INTS2: variants seen among roughly 807,000 people sequenced by gnomAD.
The protein encoded by INTS2 is integrator complex subunit 2, also known as KIAA1287.
A neutral mutation model predicts 139.6 loss-of-function variants in INTS2; 57 were observed. That is an observed-to-expected ratio of 0.41 (90% confidence interval 0.33 to 0.51). INTS2 has a LOEUF of 0.51. Among genes scored for constraint, INTS2 ranks in the 20% least tolerant of loss-of-function variants. The pLI is 0.28. For missense variants in INTS2, 1,196 were observed against 1,436.7 expected (o/e 0.83, Z 2.71); for synonymous variants, 473 against 493.4 (o/e 0.96, Z 0.55).
intron 9 of INTS2, among the ~76,000 whole-genome samples, chr17:61,898,665 G>A (rs2079374038): frequency 6.6e-6 from 1 of 152,202 alleles, no homozygotes; most frequent in Non-Finnish European, 1.5e-5. Context: ...TCAGGCTGGA[G>A]TGCAGCAGCG....
intron 8 of INTS2, among the ~76,000 whole-genome samples, chr17:61,906,963 C>CAAAAAAAAAAAAAAAAA (rs34773307): frequency 1.2e-5 from 1 of 80,206 alleles, no homozygotes; most frequent in African/African-American, 4.6e-5. Context: ...GATTCCATCT[C>CAAAAAAAAAAAAAAAAA]AAAAAAAAAA....
intron 19 of INTS2, chr17:61,874,104 T>C (rs183033470): frequency 1.3e-5 from 2 of 152,216 alleles, no homozygotes; most frequent in East Asian, 3.9e-4. Flanking sequence ...AATAAAGCAG[T>C]GGGAGTGAAG....
intron 17 of INTS2, among the ~76,000 whole-genome samples, chr17:61,878,778 C>CA: frequency 6.6e-6 from 1 of 151,568 alleles, no homozygotes; most frequent in East Asian, 1.9e-4. Context: ...CACATCTCTA[C>CA]AAAAAGTAAA....
At chr17:61,920,146 GTCTAAAGAGTTATTTTCACGAAAA>G (rs2079623950) in intron 4 of INTS2, among the ~76,000 whole-genome samples, 1 of 148,836 alleles carries the variant, frequency 6.7e-6, no homozygotes, top group South Asian at 2.1e-4. Flanking sequence ...TATAGAACTG[GTCTAAAGAGTTATTTTCACGAAAA>G]TCTTATTTGC....
At chr17:61,920,300 G>A (rs1008936435) in intron 4 of INTS2, among the ~76,000 whole-genome samples, 15 of 150,268 alleles carry the variant, frequency 1.0e-4, no homozygotes, top group Admixed American at 6.7e-4. Context: ...TCCTGCCTCA[G>A]CCGCCCGAAT....
In INTS2 at chr17:61,906,128, A is replaced by T. The variant is rs1484532921; in HGVS notation, c.1181+1280T>A. On this transcript the variant is annotated intron_variant, in intron 8 of 24. Coordinates refer to ENST00000251334, the MANE Select transcript of INTS2 (RefSeq NM_001351695.2). ...AGAAAGGAAGCAATACAGGTTGAGTAACCCCAATCCAAAAAACCTAAAATC... is the reference window on the plus strand; with the variant it reads ...AGAAAGGAAGCAATACAGGTTGAGTTACCCCAATCCAAAAAACCTAAAATC... Among the ~76,000 whole-genome samples, 3 of 152,238 alleles carry T rather than the reference A, an allele frequency of 2.0e-5. No individual in the cohort carries two copies. In the East Asian group the frequency reaches 5.8e-4, roughly 29 times the overall value.
Position 61,870,744 on chromosome 17 carries a change from A to AG in INTS2, c.2779-757dup, listed in dbSNP as rs2079082111. ...TAAGAACTTATTATAAAGTGAGGTT[A>AG]GACTACTTTATAATCATGGTTCTTG... On this transcript the variant is annotated intron_variant, in intron 20 of 24. Coordinates refer to ENST00000251334, the MANE Select transcript of INTS2 (RefSeq NM_001351695.2). This position sits in a 1 kb window ranked among gnomAD's most constrained non-coding sequence, Gnocchi z 4.4. Among the ~76,000 whole-genome samples the AG allele has an allele frequency of 6.6e-6, 1 of 152,262 alleles. No homozygotes were observed. Among genetic ancestry groups the AG allele is most frequent in the Non-Finnish European group, 1.5e-5 (1 of 68,052 alleles).
At chr17:61,898,996 A>G (rs548212463) in intron 9 of INTS2, among the ~76,000 whole-genome samples, 8 of 152,366 alleles carry the variant, frequency 5.3e-5, no homozygotes, top group African/African-American at 1.7e-4. Flanking sequence ...TGCAGTAAAA[A>G]TAGATGCAAC....
chr17:61,881,239 CATT>C, intron 16 of INTS2, 68 bp from the exon 17 acceptor site: 1 of 1,210,096 alleles, frequency 8.3e-7, no homozygotes, highest in African/African-American at 1.5e-5. Flanking sequence ...CCACCCCTCT[CATT>C]TTTATCAAGC....
At chr17:61,894,975 AAGGTT>A (rs1340866715) in intron 12 of INTS2, among the ~76,000 whole-genome samples, 2 of 152,218 alleles carry the variant, frequency 1.3e-5, no homozygotes, top group African/African-American at 2.4e-5. Context: ...TTACAGCCTA[AAGGTT>A]TAAATAGGAC....
intron 9 of INTS2, among the ~76,000 whole-genome samples, chr17:61,900,906 C>T (rs1485409328): frequency 4.0e-5 from 6 of 151,624 alleles, no homozygotes; most frequent in South Asian, 2.1e-4. Context: ...TGCGGTGAGC[C>T]GAGATCACAC....
intron 2 of INTS2, among the ~76,000 whole-genome samples, chr17:61,926,059 C>T (rs2079709508): frequency 6.6e-6 from 1 of 151,932 alleles, no homozygotes; most frequent in South Asian, 2.1e-4. Flanking sequence ...CCAAGTGATT[C>T]CAATAAATCC....
rs778049270 is a variant in INTS2 at position 61,927,960 on chromosome 17, C to G, written c.-325G>C. 1.2e-6 allele frequency: 2 copies of G among 1,613,816 alleles called. No individual in the cohort carries two copies. Among genetic ancestry groups the G allele is most frequent in the South Asian group, 1.1e-5 (1 of 91,084 alleles). On this transcript the variant is annotated 5_prime_UTR_variant, in exon 1 of 25. Coordinates refer to ENST00000251334, the MANE Select transcript of INTS2 (RefSeq NM_001351695.2). ...CTTCATTCATCCCCAGCGTCTGACT[C>G]CCGTCGGCCACCGTACTGGTCTGAG...
intron 15 of INTS2, chr17:61,885,365 A>G (rs1390188347): frequency 5.0e-6 from 1 of 199,254 alleles, no homozygotes; most frequent in Non-Finnish European, 1.0e-5. Context: ...CATATGGCCT[A>G]GAGCTTCATG....
At chr17:61,918,208 T>C (rs1021192299) in intron 5 of INTS2, among the ~76,000 whole-genome samples, 1 of 152,216 alleles carries the variant, frequency 6.6e-6, no homozygotes, top group African/African-American at 2.4e-5. Flanking sequence ...ACTATTACAC[T>C]ATCAATATCT....
At chr17:61,903,245 G>A (rs1323113174) in intron 9 of INTS2, among the ~76,000 whole-genome samples, 1 of 147,014 alleles carries the variant, frequency 6.8e-6, no homozygotes, top group Non-Finnish European at 1.5e-5. Context: ...AACAAAGACA[G>A]GAGTCGCACT....
chr17:61,878,944 A>ATAAAAAAAC (rs1340442538), intron 17 of INTS2, among the ~76,000 whole-genome samples: 1 of 137,238 alleles, frequency 7.3e-6, no homozygotes, highest in African/African-American at 3.5e-5. Context: ...AAAAAAAAAA[A>ATAAAAAAAC]AAAAAAAAAA....
rs778667549 is a variant in INTS2, at chr17:61,867,660, T to C, written c.3488A>G (p.Asn1163Ser). 1.9e-5 allele frequency: 31 copies of C among 1,612,608 alleles called. No homozygotes were observed. Among genetic ancestry groups the C allele is most frequent in the Non-Finnish European group, 2.6e-5 (31 of 1,178,818 alleles). The change falls in exon 25 of 25, where the codon AAT becomes AGT. Residue 1163 changes from asparagine to serine, a missense_variant. Asn to Ser is a conservative substitution (Grantham distance 46). Transcript: ENST00000251334. This position sits in a 1 kb window ranked among gnomAD's most constrained non-coding sequence, Gnocchi z 5.6. ...SQICKDSSYK[N>S]GSRDTGSMDP... ...CATGCTTCCAGTGTCCCTGGATCCA[T>C]TTTTATAAGATGAATCTTTACAGAT... is the stretch of plus-strand genomic sequence containing the variant.
intron 4 of INTS2, among the ~76,000 whole-genome samples, chr17:61,919,921 A>C (rs937903249): frequency 1.3e-5 from 2 of 152,114 alleles, no homozygotes; most frequent in Non-Finnish European, 2.9e-5. Flanking sequence ...GTATTATTAA[A>C]TATCTTTTGA....
Sources: gnomAD v4.1 joint callset for allele counts (sites outside exome capture counted in the v4.1 genomes callset) on GRCh38, gnomAD v4.1.1 for gene constraint, Gnocchi (gnomAD v3.1) non-coding constraint, MANE v1.5 for transcripts, NCBI Gene and HGNC (gene_info 2026-07-23, HGNC 2026-07-21) for gene names.